The following CDH18 variants were observed in gnomAD, a reference collection of about 807,000 sequenced individuals.
CDH18 encodes cadherin 18.
A neutral mutation model predicts 67.9 loss-of-function variants in CDH18; 31 were observed. The ratio of observed to expected loss-of-function variants is 0.46; its 90% CI spans 0.34 to 0.62. The LOEUF (loss-of-function observed/expected upper bound fraction) is 0.62, where lower values mean the gene tolerates loss of function less well. Ranked by LOEUF, CDH18 falls within the 20% of genes least tolerant of loss-of-function variation. The probability of loss-of-function intolerance (pLI) is 0.01; values close to 1 mark genes in which losing one functional copy is unlikely to be tolerated. For synonymous variants in CDH18, 362 were observed against 347.2 expected (o/e 1.04, Z -0.48); for missense variants, 890 against 975.5 (o/e 0.91, Z 1.17).
At chr5:19,790,320 T>C (rs769259336) in intron 3 of CDH18, among the ~76,000 whole-genome samples, 2 of 152,184 alleles carry the variant, frequency 1.3e-5, no homozygotes, top group Non-Finnish European at 2.9e-5. Flanking sequence ...CATGTATAAA[T>C]TTTGAAATTG....
At chr5:20,431,218 C>T (rs1343380757) in intron 1 of CDH18, among the ~76,000 whole-genome samples, 1 of 152,034 alleles carries the variant, frequency 6.6e-6, no homozygotes, top group African/African-American at 2.4e-5. Flanking sequence ...ATGCCGGGTG[C>T]AGTAACTCAC....
chr5:20,429,554 T>C (rs183221232), intron 1 of CDH18, among the ~76,000 whole-genome samples: 1 of 152,310 alleles, frequency 6.6e-6, no homozygotes, highest in East Asian at 1.9e-4. Flanking sequence ...TTTCCCTTTT[T>C]CTTCATTGTT....
intron 2 of CDH18, among the ~76,000 whole-genome samples, chr5:20,247,868 G>A (rs10076094): frequency 0.12 from 18,597 of 151,914 alleles, 1,530 homozygotes; most frequent in African/African-American, 0.23. Flanking sequence ...TAAATAATTA[G>A]TAGTAGAAAA....
intron 5 of CDH18, among the ~76,000 whole-genome samples, chr5:19,687,591 C>T (rs969332042): frequency 1.5e-4 from 23 of 152,148 alleles, no homozygotes; most frequent in African/African-American, 5.5e-4. Flanking sequence ...GGGACTGCTA[C>T]CACTGAAAGC....
intron 11 of CDH18, among the ~76,000 whole-genome samples, chr5:19,495,552 T>G (rs946200223): frequency 6.6e-6 from 1 of 151,032 alleles, no homozygotes; most frequent in African/African-American, 2.4e-5. Flanking sequence ...ACCAGCCTGA[T>G]CAACATGGAG....
rs577100900 is a variant in CDH18, at chr5:19,587,075, T to C, written c.999+3982A>G. The stretch of plus-strand genomic sequence containing the variant: ...AATGAGGTTTTTTTTTTCTTGCAAA[T>C]ACATTTAAGATACTTATAGATGCTG... On this transcript the variant is annotated intron_variant, in intron 7 of 12. Coordinates refer to ENST00000382275, the MANE Select transcript of CDH18 (RefSeq NM_004934.5). Among the ~76,000 whole-genome samples, 50 of 152,176 alleles carry C rather than the reference T, an allele frequency of 3.3e-4. 1 individual carries two copies. The highest frequency in any genetic ancestry group is 3.4e-3 in the Middle Eastern group (1 of 294).
intron 8 of CDH18, among the ~76,000 whole-genome samples, chr5:19,558,297 A>G (rs1248710386): frequency 6.6e-6 from 1 of 152,132 alleles, no homozygotes; most frequent in Non-Finnish European, 1.5e-5. Flanking sequence ...ACGAAATCAG[A>G]GCAGAACTAA....
chr5:19,474,773 A>T (rs1341225228), intron 12 of CDH18, among the ~76,000 whole-genome samples: 3 of 152,154 alleles, frequency 2.0e-5, no homozygotes, highest in Admixed American at 2.0e-4. Flanking sequence ...GCCTTAGGAT[A>T]GCTCTTGCTA....
chr5:20,101,344 T>C (rs569763739), intron 2 of CDH18, among the ~76,000 whole-genome samples: 1 of 152,322 alleles, frequency 6.6e-6, no homozygotes, highest in South Asian at 2.1e-4. Context: ...ATAAGAATCA[T>C]TGACAGCATC....
At chr5:20,121,813 T>C (rs1052021929) in intron 2 of CDH18, among the ~76,000 whole-genome samples, 6 of 152,142 alleles carry the variant, frequency 3.9e-5, no homozygotes, top group Non-Finnish European at 5.9e-5. Flanking sequence ...CTTTCTTCTG[T>C]TAGTAAGCTG....
chr5:20,482,940 G>A (rs1341632370), intron 1 of CDH18, among the ~76,000 whole-genome samples: 1 of 151,736 alleles, frequency 6.6e-6, no homozygotes, highest in Non-Finnish European at 1.5e-5. Flanking sequence ...AGAGAAATCA[G>A]ACAAGAGAAA....
chr5:20,293,184 G>C (rs905438360), intron 1 of CDH18, among the ~76,000 whole-genome samples: 6 of 152,166 alleles, frequency 3.9e-5, no homozygotes, highest in Non-Finnish European at 8.8e-5. Context: ...GAGAGTGGTA[G>C]TGGGCACCTG....
At chr5:19,954,615 G>A (rs763898301) in intron 2 of CDH18, among the ~76,000 whole-genome samples, 1 of 151,860 alleles carries the variant, frequency 6.6e-6, no homozygotes, top group African/African-American at 2.4e-5. Context: ...AAGAAAGCAC[G>A]CTGAAGAAAG....
chr5:20,556,453 A>C (rs1757913141), intron 1 of CDH18, among the ~76,000 whole-genome samples: 1 of 152,140 alleles, frequency 6.6e-6, no homozygotes. Flanking sequence ...ATCCCCGGCC[A>C]AATACTCACT....
chr5:20,537,087 T>C (rs1355054), intron 1 of CDH18, among the ~76,000 whole-genome samples: 150,509 of 152,222 alleles, frequency 0.99, 74,439 homozygotes, highest in Middle Eastern at 1. Context: ...TCCAGCCCAT[T>C]GCAGGGACTT....
intron 2 of CDH18, among the ~76,000 whole-genome samples, chr5:19,948,607 C>T (rs1225209469): frequency 1.3e-5 from 2 of 152,088 alleles, no homozygotes; most frequent in African/African-American, 2.4e-5. Context: ...TTACGTATAG[C>T]TACATGGATG....
rs1340756387 is a variant in CDH18 at position 20,550,074 on chromosome 5, ACT to A, written c.-580+25386_-580+25387del. ...TAGCTCATATATTTGGAAAACAAAA[ACT>A]CTCTCATATAAGACAATGTGTTCAA... On this transcript the variant is annotated intron_variant, in intron 1 of 14. Coordinates refer to the CDH18 transcript ENST00000507958. Among the ~76,000 whole-genome samples, 3 of 151,980 alleles carry A rather than the reference ACT, an allele frequency of 2.0e-5. No individual in the cohort carries two copies. The East Asian group carries it at 5.8e-4, about 29-fold the overall frequency.
At chr5:19,672,172 T>C (rs1210251783) in intron 5 of CDH18, among the ~76,000 whole-genome samples, 2 of 152,084 alleles carry the variant, frequency 1.3e-5, no homozygotes, top group East Asian at 1.9e-4. Flanking sequence ...CAAACAATAT[T>C]TAGGCTGATT....
chr5:20,295,498 G>T (rs1385493983), intron 1 of CDH18, among the ~76,000 whole-genome samples: 2 of 152,156 alleles, frequency 1.3e-5, no homozygotes, highest in African/African-American at 4.8e-5. Flanking sequence ...GGAGGCCGAG[G>T]AGGGTGGATC....
Sources: allele counts gnomAD v4.1 joint callset (sites outside exome capture counted in the v4.1 genomes callset), GRCh38; gene constraint gnomAD v4.1.1; transcripts MANE v1.5; gene names NCBI Gene and HGNC (gene_info 2026-07-23, HGNC 2026-07-21).